The following PDE4B variants were observed in gnomAD, a reference collection of about 807,000 sequenced individuals.
PDE4B encodes the protein 3',5'-cyclic-AMP phosphodiesterase 4B.
In PDE4B, 20 loss-of-function variants were observed where a neutral mutation model predicts 82.2. The ratio of observed to expected loss-of-function variants is 0.24; its 90% CI spans 0.17 to 0.35. PDE4B has a LOEUF of 0.35. Among genes scored for constraint, PDE4B ranks in the 10% least tolerant of loss-of-function variants. The pLI, the probability that PDE4B is intolerant of heterozygous loss-of-function variation, is 1.00. For synonymous variants in PDE4B, 320 were observed against 318.9 expected (o/e 1.00, Z -0.04); for missense variants, 655 against 907.2 (o/e 0.72, Z 3.57).
chr1:65,835,896 T>G (rs1046439244), intron 1 of PDE4B, among the ~76,000 whole-genome samples: 1 of 152,162 alleles, frequency 6.6e-6, no homozygotes, highest in Non-Finnish European at 1.5e-5. Context: ...AAAAATCCAC[T>G]TGAGTGAAGT....
chr1:66,360,086 G>A (rs765051980), intron 9 of PDE4B, among the ~76,000 whole-genome samples: 5 of 152,136 alleles, frequency 3.3e-5, no homozygotes, highest in Non-Finnish European at 7.3e-5. Flanking sequence ...TGATTCAGTA[G>A]GATTGGGTGG....
intron 3 of PDE4B, among the ~76,000 whole-genome samples, chr1:66,034,804 G>T (rs1653979857): frequency 6.6e-6 from 1 of 152,096 alleles, no homozygotes; most frequent in Non-Finnish European, 1.5e-5. Context: ...TGTCTGCCCT[G>T]ACTTTTTCCT....
chr1:66,188,469 T>C (rs148102978), intron 3 of PDE4B, among the ~76,000 whole-genome samples: 19,295 of 152,014 alleles, frequency 0.13, 1,405 homozygotes, highest in Non-Finnish European at 0.17. Flanking sequence ...TGTGGGAGTC[T>C]AAGTCTCTTT....
intron 3 of PDE4B, among the ~76,000 whole-genome samples, chr1:66,226,465 A>G (rs145841872): frequency 1.4e-4 from 22 of 152,364 alleles, no homozygotes; most frequent in Admixed American, 1.4e-3. Flanking sequence ...AGGTGTAACT[A>G]TAGATTGACT....
chr1:66,358,567 G>A (rs927994883), intron 9 of PDE4B, among the ~76,000 whole-genome samples: 1 of 151,838 alleles, frequency 6.6e-6, no homozygotes, highest in Non-Finnish European at 1.5e-5. Flanking sequence ...CCAGCTACTG[G>A]GGAGGCTGAG....
chr1:65,887,375 TCC>T (rs1557799368), intron 1 of PDE4B, among the ~76,000 whole-genome samples: 2 of 4,714 alleles, frequency 4.2e-4, no homozygotes, highest in African/African-American at 1.4e-3. Context: ...CTCCCTCCCT[TCC>T]TTCCTTCCTT....
intron 3 of PDE4B, among the ~76,000 whole-genome samples, chr1:66,218,886 G>A (rs967821282): frequency 6.6e-6 from 1 of 152,038 alleles, no homozygotes; most frequent in Admixed American, 6.6e-5. Context: ...CTTTAAAAAA[G>A]CTGTTTTATT....
chr1:66,139,298 G>T (rs1646120879), intron 3 of PDE4B, among the ~76,000 whole-genome samples: 1 of 152,178 alleles, frequency 6.6e-6, no homozygotes. Flanking sequence ...TCAGTTCCTT[G>T]TGCCTGTAGG....
chr1:65,944,779 A>G (rs1454349162), intron 3 of PDE4B, among the ~76,000 whole-genome samples: 1 of 151,844 alleles, frequency 6.6e-6, no homozygotes, highest in African/African-American at 2.4e-5. Context: ...GGAGATTTGG[A>G]GAGCATTTAT....
chr1:66,004,796 A>G (rs756616531), intron 3 of PDE4B, among the ~76,000 whole-genome samples: 1 of 152,080 alleles, frequency 6.6e-6, no homozygotes. Context: ...GAATCTAGAC[A>G]TGTTTCCTGG....
At chr1:66,115,989 A>G (rs1311501409) in intron 3 of PDE4B, among the ~76,000 whole-genome samples, 1 of 152,044 alleles carries the variant, frequency 6.6e-6, no homozygotes, top group Admixed American at 6.6e-5. Context: ...TTTCTTTTAT[A>G]TTTCTTGATT....
intron 8 of PDE4B, among the ~76,000 whole-genome samples, chr1:66,335,909 TAGA>T (rs1273584572): frequency 1.3e-5 from 2 of 152,198 alleles, no homozygotes; most frequent in Non-Finnish European, 2.9e-5. Flanking sequence ...CCTCCTGAAT[TAGA>T]AGAATTGTCT....
chr1:66,089,727 A>G (rs1193176157), intron 3 of PDE4B, among the ~76,000 whole-genome samples: 1 of 152,018 alleles, frequency 6.6e-6, no homozygotes, highest in Non-Finnish European at 1.5e-5. Flanking sequence ...GTTTTGTGGT[A>G]TGTTGGCTTT....
At chr1:66,321,733 C>T (rs1046806118) in intron 7 of PDE4B, among the ~76,000 whole-genome samples, 1 of 152,120 alleles carries the variant, frequency 6.6e-6, no homozygotes, top group Admixed American at 6.6e-5. Context: ...ATATCGTGAA[C>T]ATGGCCATAC....
In PDE4B at chr1:66,302,096, C is replaced by T. The variant is rs74612023; in HGVS notation, c.635-30412C>T. On this transcript the variant is annotated intron_variant, in intron 7 of 16. Transcript: ENST00000341517. ...GAAAATGGGGAAAGCTAAACTGCTT[C>T]GAAATTGCAGTGCTCTGTCCTATAC... 7.7e-3 allele frequency among the ~76,000 whole-genome samples: 1,166 copies of T among 152,218 alleles called. 15 individuals carry two copies. The highest frequency in any genetic ancestry group is 0.026 in the African/African-American group (1,093 of 41,540).
At chr1:66,269,155 A>G (rs1244103197) in intron 7 of PDE4B, among the ~76,000 whole-genome samples, 1 of 152,256 alleles carries the variant, frequency 6.6e-6, no homozygotes, top group African/African-American at 2.4e-5. Context: ...TTCACTGTTA[A>G]CAATTAGTTA....
chr1:66,335,659 T>C (rs1376815802), intron 8 of PDE4B, among the ~76,000 whole-genome samples: 1 of 152,218 alleles, frequency 6.6e-6, no homozygotes, highest in African/African-American at 2.4e-5. Context: ...TTTTAGAGAA[T>C]GGTGCTGCCA....
At chr1:66,106,481 T>A (rs1645359607) in intron 3 of PDE4B, among the ~76,000 whole-genome samples, 1 of 151,930 alleles carries the variant, frequency 6.6e-6, no homozygotes, top group South Asian at 2.1e-4. Flanking sequence ...TTCCCTCTTT[T>A]TCTACTGATT....
At position 66,061,680 on chromosome 1, in the gene PDE4B, G is replaced by A. The variant is rs74412830; in HGVS notation, c.281+142845G>A. On this transcript the variant is annotated intron_variant, in intron 3 of 16. Transcript: ENST00000341517. ...TACCAAAGGAAATCATGAGCTTTGT[G>A]TTAGCAAAAGGGAGAGATTTTCAGT... Among the ~76,000 whole-genome samples the A allele has an allele frequency of 1.3e-4, 20 of 152,218 alleles. No homozygotes were observed. In the East Asian group the frequency reaches 3.7e-3, roughly 28 times the overall value.
Sources: allele counts gnomAD v4.1 joint callset (sites outside exome capture counted in the v4.1 genomes callset), GRCh38; gene constraint gnomAD v4.1.1; transcripts MANE v1.5; gene names NCBI Gene and HGNC (gene_info 2026-07-23, HGNC 2026-07-21).